The following ACSS3 variants were observed in gnomAD, a reference collection of about 807,000 sequenced individuals.
ACSS3 encodes acyl-CoA synthetase short chain family member 3.
Under a neutral mutation model 84.2 loss-of-function variants are expected in ACSS3, and 64 were observed. That is an observed-to-expected ratio of 0.76 (90% confidence interval 0.62 to 0.94). The LOEUF is 0.94. Among genes scored for constraint, ACSS3 ranks in the 40% least tolerant of loss-of-function variants. The pLI is 0.00. For missense variants in ACSS3, 815 were observed against 867.6 expected, an observed-to-expected ratio of 0.94 and a Z score of 0.76; for synonymous variants, 317 against 310.1, an observed-to-expected ratio of 1.02 and a Z score of -0.23.
At chr12:81,210,995 G>C (rs986270799) in intron 9 of ACSS3, among the ~76,000 whole-genome samples, 1 of 151,726 alleles carries the variant, frequency 6.6e-6, no homozygotes, top group Non-Finnish European at 1.5e-5. Flanking sequence ...TTGTTGTTTC[G>C]AGACAGGGTT....
intron 13 of ACSS3, among the ~76,000 whole-genome samples, chr12:81,234,825 A>G (rs552537808): frequency 6.6e-6 from 1 of 151,226 alleles, no homozygotes; most frequent in South Asian, 2.1e-4. Flanking sequence ...GCAGTTTGCA[A>G]TTTCTTTTTC....
At chr12:81,160,026 C>A (rs1231317960) in intron 7 of ACSS3, among the ~76,000 whole-genome samples, 1 of 152,162 alleles carries the variant, frequency 6.6e-6, no homozygotes, top group Admixed American at 6.5e-5. Flanking sequence ...CCCAGGCTTC[C>A]ACAATGACAG....
intron 13 of ACSS3, among the ~76,000 whole-genome samples, chr12:81,235,212 G>A (rs1435493554): frequency 6.6e-6 from 1 of 151,264 alleles, no homozygotes; most frequent in East Asian, 1.9e-4. Context: ...TTGCAACTTT[G>A]TCAAAAATCA....
At chr12:81,231,698 C>T (rs2033471008) in intron 12 of ACSS3, among the ~76,000 whole-genome samples, 1 of 151,632 alleles carries the variant, frequency 6.6e-6, no homozygotes, top group Non-Finnish European at 1.5e-5. Context: ...AGCCCAACAC[C>T]CAGCGTCCTG....
chr12:81,158,625 C>T (rs757938167), intron 7 of ACSS3, among the ~76,000 whole-genome samples: 5 of 152,012 alleles, frequency 3.3e-5, no homozygotes, highest in South Asian at 2.1e-4. Context: ...CAAGGTACAA[C>T]GTGCTCCTGT....
chr12:81,233,138 C>G (rs2033520431), intron 12 of ACSS3, among the ~76,000 whole-genome samples: 2 of 151,694 alleles, frequency 1.3e-5, no homozygotes, highest in Non-Finnish European at 2.9e-5. Context: ...TTTCTAAAAA[C>G]ACTTCAACTT....
At chr12:81,195,870 C>A (rs951739876) in intron 8 of ACSS3, among the ~76,000 whole-genome samples, 1 of 152,056 alleles carries the variant, frequency 6.6e-6, no homozygotes, top group Non-Finnish European at 1.5e-5. Context: ...TAAAGAACTG[C>A]TCCTAGATAA....
At chr12:81,140,316 A>G (rs573776571) in intron 4 of ACSS3, among the ~76,000 whole-genome samples, 83 of 152,344 alleles carry the variant, frequency 5.4e-4, no homozygotes, top group Non-Finnish European at 9.6e-4. Flanking sequence ...CTTTGAACTC[A>G]TGATCACCTT....
chr12:81,079,813 G>C (rs1593011201), intron 1 of ACSS3, among the ~76,000 whole-genome samples: 1 of 152,116 alleles, frequency 6.6e-6, no homozygotes, highest in South Asian at 2.1e-4. Context: ...TAATCTCTCT[G>C]TGTTTCACTT....
intron 2 of ACSS3, among the ~76,000 whole-genome samples, chr12:81,113,228 A>C (rs975973546): frequency 1.3e-5 from 2 of 152,178 alleles, no homozygotes; most frequent in Non-Finnish European, 2.9e-5. Context: ...AAGTGAAGGC[A>C]GCCAACTCAG....
At chr12:81,170,294 A>G (rs893095183) in intron 7 of ACSS3, among the ~76,000 whole-genome samples, 30 of 152,174 alleles carry the variant, frequency 2.0e-4, no homozygotes, top group South Asian at 1.0e-3. Flanking sequence ...TCTACAATAC[A>G]TATTAATACA....
chr12:81,151,757 C>A, intron 5 of ACSS3, 87 bp from the exon 6 acceptor site: 2 of 1,165,072 alleles, frequency 1.7e-6, no homozygotes, highest in South Asian at 1.5e-5. Flanking sequence ...TACTTTTGAC[C>A]AGGAACTTTT....
At chr12:81,196,076 G>GT (rs1056065235) in intron 8 of ACSS3, among the ~76,000 whole-genome samples, 3 of 152,096 alleles carry the variant, frequency 2.0e-5, no homozygotes, top group African/African-American at 7.2e-5. Flanking sequence ...GCTGCATTCC[G>GT]TGACACTTGC....
intron 8 of ACSS3, among the ~76,000 whole-genome samples, chr12:81,183,264 A>C (rs2031054973): frequency 6.6e-6 from 1 of 152,210 alleles, no homozygotes; most frequent in South Asian, 2.1e-4. Context: ...TGCTGGTTAC[A>C]AGATGTTTTA....
In ACSS3 at chr12:81,254,852, T is replaced by C; in HGVS notation, c.1996-5T>C. Reference sequence around the variant, plus strand: ...GTATTCACCTGACCCTAATTTTTTTTCCAGATAACTTCTACAATTGAAGAC... The same window carrying C: ...GTATTCACCTGACCCTAATTTTTTTCCCAGATAACTTCTACAATTGAAGAC... On this transcript the variant is annotated splice_polypyrimidine_tract_variant and splice_region_variant and intron_variant, in intron 15 of 15. Coordinates refer to ENST00000548058, the MANE Select transcript of ACSS3 (RefSeq NM_024560.4). 6.2e-7 allele frequency: 1 copy of C among 1,603,408 alleles called. No individual in the cohort carries two copies. Among genetic ancestry groups the C allele is most frequent in the South Asian group, 1.1e-5 (1 of 88,318 alleles).
chr12:81,171,497 G>T (rs1258242172), intron 7 of ACSS3, among the ~76,000 whole-genome samples: 3 of 152,008 alleles, frequency 2.0e-5, no homozygotes, highest in Non-Finnish European at 4.4e-5. Flanking sequence ...TCTGGGGAAT[G>T]GACAATAAAA....
intron 1 of ACSS3, 91 bp from the exon 2 acceptor site, chr12:81,109,469 A>G (rs547533495): frequency 2.8e-6 from 4 of 1,431,742 alleles, no homozygotes; most frequent in African/African-American, 2.9e-5. Flanking sequence ...TTTTAAGGCC[A>G]GCTCTATCAA....
intron 5 of ACSS3, among the ~76,000 whole-genome samples, chr12:81,149,781 T>A (rs1471220835): frequency 6.6e-6 from 1 of 152,194 alleles, no homozygotes; most frequent in Non-Finnish European, 1.5e-5. Flanking sequence ...TATTTTGACA[T>A]TTATGCCTTT....
chr12:81,146,650 A>G (rs897838161), intron 5 of ACSS3, among the ~76,000 whole-genome samples: 3 of 152,212 alleles, frequency 2.0e-5, no homozygotes, highest in African/African-American at 4.8e-5. Flanking sequence ...TGCTGTAAAT[A>G]TTCCAGCAAC....
Sources: allele counts gnomAD v4.1 joint callset (sites outside exome capture counted in the v4.1 genomes callset), GRCh38; gene constraint gnomAD v4.1.1; transcripts MANE v1.5; gene names NCBI Gene and HGNC (gene_info 2026-07-23, HGNC 2026-07-21).